The following RAP1GDS1 variants were observed in gnomAD, a reference collection of about 807,000 sequenced individuals.
RAP1GDS1 encodes RAP1, GTP-GDP dissociation stimulator 1.
Under a neutral mutation model 71.1 loss-of-function variants are expected in RAP1GDS1, and 35 were observed. That is an observed-to-expected ratio of 0.49 (90% CI 0.38 to 0.65). The LOEUF (loss-of-function observed/expected upper bound fraction) is 0.65. Ranked by LOEUF, RAP1GDS1 falls within the 30% of genes least tolerant of loss-of-function variation. The probability of loss-of-function intolerance (pLI) is 0.00; values close to 1 mark genes in which losing one functional copy is unlikely to be tolerated. For synonymous variants in RAP1GDS1, 229 were observed against 243.1 expected, an observed-to-expected ratio of 0.94 and a Z score of 0.54; for missense variants, 663 against 706.1, an observed-to-expected ratio of 0.94 and a Z score of 0.69.
chr4:98,400,350 A>G (rs1036398925), intron 6 of RAP1GDS1, among the ~76,000 whole-genome samples: 8 of 152,176 alleles, frequency 5.3e-5, no homozygotes, highest in Non-Finnish European at 1.0e-4. Flanking sequence ...GTATATGTAT[A>G]TACACACACA....
At chr4:98,340,779 G>A (rs1293836708) in intron 2 of RAP1GDS1, among the ~76,000 whole-genome samples, 1 of 151,684 alleles carries the variant, frequency 6.6e-6, no homozygotes, top group Non-Finnish European at 1.5e-5. Flanking sequence ...TCACATATAT[G>A]TATATATGTA....
At chr4:98,429,322 G>A (rs557247423) in intron 12 of RAP1GDS1, among the ~76,000 whole-genome samples, 1 of 151,714 alleles carries the variant, frequency 6.6e-6, no homozygotes, top group East Asian at 1.9e-4. Context: ...ATGCTACTCA[G>A]CCATAAAAAG....
At chr4:98,373,384 CCTCCCTCCCTCTCCCT>C (rs1740686756) in intron 4 of RAP1GDS1, among the ~76,000 whole-genome samples, 1 of 150,562 alleles carries the variant, frequency 6.6e-6, no homozygotes, top group South Asian at 2.1e-4. Flanking sequence ...CCTCTCTCTC[CCTCCCTCCCTCTCCCT>C]CTCTCTCCCT....
At chr4:98,318,412 A>G (rs1337381038) in intron 2 of RAP1GDS1, among the ~76,000 whole-genome samples, 3 of 152,234 alleles carry the variant, frequency 2.0e-5, no homozygotes, top group Admixed American at 2.0e-4. Flanking sequence ...AAGAGTAACA[A>G]CAATAACTAA....
At chr4:98,302,569 A>G (rs1271059029) in intron 2 of RAP1GDS1, among the ~76,000 whole-genome samples, 2 of 152,238 alleles carry the variant, frequency 1.3e-5, no homozygotes, top group East Asian at 3.8e-4. Context: ...TTAAAAGTAC[A>G]AAGTTTCTAA....
At chr4:98,319,102 A>G (rs1487225274) in intron 2 of RAP1GDS1, among the ~76,000 whole-genome samples, 2 of 152,192 alleles carry the variant, frequency 1.3e-5, no homozygotes, top group South Asian at 2.1e-4. Flanking sequence ...ATTTTTGTCA[A>G]AATATTAAAA....
intron 2 of RAP1GDS1, among the ~76,000 whole-genome samples, chr4:98,295,660 T>C (rs965278118): frequency 2.6e-5 from 4 of 152,080 alleles, no homozygotes; most frequent in African/African-American, 9.7e-5. Context: ...AATAAAAAAT[T>C]GTAATCTGAA....
Position 98,383,447 on chromosome 4 carries a change from C to T in RAP1GDS1, c.508+4284C>T, listed in dbSNP as rs539179967. Reference sequence around the variant, plus strand: ...TATATATGATTTCTACAAATACAGCCGATTTTTCTAATATTTTAATTACTC... The same window carrying T: ...TATATATGATTTCTACAAATACAGCTGATTTTTCTAATATTTTAATTACTC... On this transcript the variant is annotated intron_variant, in intron 5 of 14. Transcript: ENST00000408927. 9.9e-5 allele frequency among the ~76,000 whole-genome samples: 15 copies of T among 151,358 alleles called. No individual in the cohort carries two copies. In the East Asian group the frequency reaches 1.4e-3, roughly 14 times the overall value.
At chr4:98,418,819 T>C (rs1431907287) in intron 10 of RAP1GDS1, 28 bp downstream of exon 10, 3 of 1,536,484 alleles carry the variant, frequency 2.0e-6, no homozygotes, top group Non-Finnish European at 2.6e-6. Context: ...AAGGCAGCTG[T>C]GTACAAAATA....
chr4:98,330,283 A>G (rs1228828815), intron 2 of RAP1GDS1, among the ~76,000 whole-genome samples: 2 of 152,302 alleles, frequency 1.3e-5, no homozygotes, highest in East Asian at 1.9e-4. Context: ...CCCCTTTTCT[A>G]TTCGACAAAA....
At chr4:98,280,081 G>C (rs1464481799) in intron 1 of RAP1GDS1, among the ~76,000 whole-genome samples, 1 of 152,186 alleles carries the variant, frequency 6.6e-6, no homozygotes, top group Non-Finnish European at 1.5e-5. Flanking sequence ...ATGTGCATGT[G>C]TCTTTATAGT....
chr4:98,346,561 T>A (rs1039178714), intron 3 of RAP1GDS1, among the ~76,000 whole-genome samples: 3 of 151,746 alleles, frequency 2.0e-5, no homozygotes, highest in African/African-American at 7.2e-5. Flanking sequence ...ATTATTTATT[T>A]TTTTTTTTTT....
At chr4:98,278,961 G>A (rs1240869053) in intron 1 of RAP1GDS1, among the ~76,000 whole-genome samples, 2 of 152,162 alleles carry the variant, frequency 1.3e-5, no homozygotes, top group East Asian at 1.9e-4. Context: ...GGTGGCTCAC[G>A]CCTGTAATCC....
intron 7 of RAP1GDS1, 36 bp downstream of exon 7, chr4:98,404,638 A>G (rs765359733): frequency 6.3e-7 from 1 of 1,580,444 alleles, no homozygotes; most frequent in South Asian, 1.2e-5. Flanking sequence ...ATTTTTGATC[A>G]TGTATGCTTT....
At chr4:98,346,362 A>C (rs1280421087) in intron 3 of RAP1GDS1, among the ~76,000 whole-genome samples, 1 of 151,936 alleles carries the variant, frequency 6.6e-6, no homozygotes, top group Non-Finnish European at 1.5e-5. Flanking sequence ...ATTTATTTTA[A>C]TTTTGCCCTC....
At chr4:98,300,721 C>T (rs1271820308) in intron 2 of RAP1GDS1, among the ~76,000 whole-genome samples, 1 of 151,936 alleles carries the variant, frequency 6.6e-6, no homozygotes, top group Non-Finnish European at 1.5e-5. Flanking sequence ...ACATTTATAT[C>T]TATTGGGAAA....
chr4:98,361,205 A>T (rs180711741), intron 4 of RAP1GDS1, among the ~76,000 whole-genome samples: 8 of 151,794 alleles, frequency 5.3e-5, no homozygotes, highest in Middle Eastern at 3.4e-3. Context: ...ATTTGCTCTC[A>T]CACACACACA....
chr4:98,269,037 C>T (rs1430312137), intron 1 of RAP1GDS1, among the ~76,000 whole-genome samples: 1 of 151,998 alleles, frequency 6.6e-6, no homozygotes, highest in Non-Finnish European at 1.5e-5. Flanking sequence ...GGGCATCACA[C>T]TACATGCTTC....
intron 5 of RAP1GDS1, among the ~76,000 whole-genome samples, chr4:98,388,523 C>T (rs867824237): frequency 2.0e-5 from 3 of 152,028 alleles, no homozygotes; most frequent in Admixed American, 1.3e-4. Flanking sequence ...GTCAGGAGTT[C>T]GAGACCAACC....
Sources: allele counts gnomAD v4.1 joint callset (sites outside exome capture counted in the v4.1 genomes callset), GRCh38; gene constraint gnomAD v4.1.1; transcripts MANE v1.5; gene names NCBI Gene and HGNC (gene_info 2026-07-23, HGNC 2026-07-21).